The following NKAIN3 variants were observed in gnomAD, a reference collection of about 807,000 sequenced individuals.
NKAIN3 encodes sodium/potassium transporting ATPase interacting 3.
A neutral mutation model predicts 30.2 loss-of-function variants in NKAIN3; 25 were observed. The ratio of observed to expected loss-of-function variants is 0.83; its 90% CI spans 0.60 to 1.16. The LOEUF is 1.16. Among genes scored for constraint, NKAIN3 ranks in the 50% most tolerant of loss-of-function variants. The pLI is 0.00. For synonymous variants in NKAIN3, 91 were observed against 89.6 expected, an observed-to-expected ratio of 1.02 and a Z score of -0.09; for missense variants, 225 against 254.1, an observed-to-expected ratio of 0.89 and a Z score of 0.78.
intron 3 of NKAIN3, among the ~76,000 whole-genome samples, chr8:62,707,056 TACACACAC>T (rs35879987): frequency 2.3e-4 from 33 of 143,406 alleles, no homozygotes; most frequent in Middle Eastern, 3.5e-3. Flanking sequence ...CATACATACA[TACACACAC>T]ACACACACAC....
At chr8:62,275,965 A>G (rs1812941222) in intron 1 of NKAIN3, among the ~76,000 whole-genome samples, 1 of 152,190 alleles carries the variant, frequency 6.6e-6, no homozygotes, top group African/African-American at 2.4e-5. Context: ...TTGGTTTAAT[A>G]ATACCCAAAA....
At chr8:62,534,118 G>T (rs557621149) in intron 1 of NKAIN3, among the ~76,000 whole-genome samples, 96 of 152,212 alleles carry the variant, frequency 6.3e-4, no homozygotes, top group Admixed American at 1.4e-3. Context: ...TCCTGCCTGA[G>T]ATCTCCCACT....
chr8:62,784,251 C>T (rs79536095), intron 4 of NKAIN3, among the ~76,000 whole-genome samples: 1 of 151,520 alleles, frequency 6.6e-6, no homozygotes, highest in South Asian at 2.1e-4. Flanking sequence ...ATCCCTAAAG[C>T]AAGCAGAAGT....
intron 3 of NKAIN3, among the ~76,000 whole-genome samples, chr8:62,719,753 C>CTTTTTTTTTTT (rs60637445): frequency 7.7e-5 from 7 of 90,472 alleles, no homozygotes; most frequent in African/African-American, 2.0e-4. Context: ...ACATTTCTTT[C>CTTTTTTTTTTT]TTTTTTTTTT....
downstream of NKAIN3, among the ~76,000 whole-genome samples, chr8:62,987,650 A>G (rs915586467): frequency 1.3e-5 from 2 of 151,916 alleles, no homozygotes; most frequent in East Asian, 1.9e-4. Context: ...CCATGATTCA[A>G]TAACCTCCCA....
chr8:62,387,886 ACT>A (rs1241803513), intron 1 of NKAIN3, among the ~76,000 whole-genome samples: 1 of 152,064 alleles, frequency 6.6e-6, no homozygotes, highest in Non-Finnish European at 1.5e-5. Context: ...AAAGCAAAAA[ACT>A]CTGCTTATGG....
intron 1 of NKAIN3, among the ~76,000 whole-genome samples, chr8:62,374,495 G>A (rs1817014533): frequency 6.6e-6 from 1 of 152,148 alleles, no homozygotes; most frequent in South Asian, 2.1e-4. Flanking sequence ...TGGTTTGTTA[G>A]CTTTAATCAA....
rs948725877 is a variant in NKAIN3 at position 62,971,597 on chromosome 8, C to A, written c.*6190C>A. 6.6e-6 allele frequency among the ~76,000 whole-genome samples: 1 copy of A among 150,860 alleles called. No individual in the cohort carries two copies. The highest frequency in any genetic ancestry group is 2.4e-5 in the African/African-American group (1 of 41,142). ...GCAGTTAGCCAAGATCATGCCACTG[C>A]ACTCCAACCTGGGAGATGGAGCCAA... On this transcript the variant is annotated 3_prime_UTR_variant, in exon 7 of 7. Coordinates refer to ENST00000623646, the MANE Select transcript of NKAIN3 (RefSeq NM_001304533.3).
chr8:62,276,285 C>T lies in NKAIN3; in HGVS notation c.54+27158C>T, dbSNP rs142698413. On this transcript the variant is annotated intron_variant, in intron 1 of 6. Transcript: ENST00000623646. ...TTCACCATATTGGCTAGGCTTGTAT[C>T]GAACTCATTACCTCAAGTGATCCGC... 2.4e-3 allele frequency among the ~76,000 whole-genome samples: 365 copies of T among 152,180 alleles called. 1 individual carries two copies. The highest frequency in any genetic ancestry group is 8.4e-3 in the African/African-American group (347 of 41,520).
At position 62,572,081 on chromosome 8, in the gene NKAIN3, G is replaced by A. The variant is rs567004338; in HGVS notation, c.55-7458G>A. The stretch of plus-strand genomic sequence containing the variant: ...ATGGGATTTTCTTTTCTATTGCCTC[G>A]TCAGGCTGCAAATTTTCCAAACTTC... On this transcript the variant is annotated intron_variant, in intron 1 of 6. Transcript: ENST00000623646. Among the ~76,000 whole-genome samples, 96 of 152,082 alleles carry A rather than the reference G, an allele frequency of 6.3e-4. 1 individual carries two copies. The highest frequency in any genetic ancestry group is 1.6e-3 in the Admixed American group (25 of 15,274).
intron 3 of NKAIN3, among the ~76,000 whole-genome samples, chr8:62,647,774 G>GT (rs1812511344): frequency 6.6e-6 from 1 of 152,202 alleles, no homozygotes; most frequent in African/African-American, 2.4e-5. Flanking sequence ...TGGAGATGAA[G>GT]TTAGGGAATA....
At chr8:62,431,326 A>G (rs550976818) in intron 1 of NKAIN3, among the ~76,000 whole-genome samples, 1 of 152,074 alleles carries the variant, frequency 6.6e-6, no homozygotes, top group African/African-American at 2.4e-5. Flanking sequence ...CAAAGACCCA[A>G]GATGAACATC....
intron 4 of NKAIN3, among the ~76,000 whole-genome samples, chr8:62,808,836 A>T (rs1818390164): frequency 6.6e-6 from 1 of 152,126 alleles, no homozygotes; most frequent in Non-Finnish European, 1.5e-5. Flanking sequence ...ATAACATCTT[A>T]TCAGGAGACA....
At chr8:62,926,790 G>T (rs1243769425) in intron 5 of NKAIN3, among the ~76,000 whole-genome samples, 1 of 152,264 alleles carries the variant, frequency 6.6e-6, no homozygotes, top group East Asian at 1.9e-4. Context: ...CTATCTGTCA[G>T]ATCTGTCTGT....
intron 1 of NKAIN3, among the ~76,000 whole-genome samples, chr8:62,256,181 G>C (rs572738785): frequency 4.4e-4 from 67 of 152,138 alleles, no homozygotes; most frequent in Middle Eastern, 3.4e-3. Context: ...GGGAGACTGA[G>C]GGGGGAGGAT....
chr8:62,332,479 T>TAC (rs1305701347), intron 1 of NKAIN3, among the ~76,000 whole-genome samples: 1 of 152,150 alleles, frequency 6.6e-6, no homozygotes, highest in Non-Finnish European at 1.5e-5. Context: ...ATAACATCTT[T>TAC]ATAATGCATT....
chr8:62,830,356 G>A (rs1451541837), intron 4 of NKAIN3, among the ~76,000 whole-genome samples: 1 of 152,016 alleles, frequency 6.6e-6, no homozygotes, highest in Non-Finnish European at 1.5e-5. Flanking sequence ...TACTCAATAT[G>A]CAGAAGTGTA....
chr8:62,279,452 C>A (rs923161544), intron 1 of NKAIN3, among the ~76,000 whole-genome samples: 1 of 152,116 alleles, frequency 6.6e-6, no homozygotes, highest in African/African-American at 2.4e-5. Context: ...CTTGCCCATG[C>A]GTATGTCCTG....
chr8:62,639,909 T>C (rs1488377137), intron 3 of NKAIN3, among the ~76,000 whole-genome samples: 3 of 152,104 alleles, frequency 2.0e-5, no homozygotes, highest in Non-Finnish European at 4.4e-5. Flanking sequence ...ATAATCATCT[T>C]GGAGAATGGG....
Sources: allele counts gnomAD v4.1 joint callset (sites outside exome capture counted in the v4.1 genomes callset), GRCh38; gene constraint gnomAD v4.1.1; transcripts MANE v1.5; gene names NCBI Gene and HGNC (gene_info 2026-07-23, HGNC 2026-07-21).